SORCS1: variants seen among roughly 807,000 people sequenced by gnomAD.
The protein encoded by SORCS1 is VPS10 domain-containing receptor SorCS1.
A neutral mutation model predicts 146.1 loss-of-function variants in SORCS1; 60 were observed. The observed-to-expected ratio is 0.41, with a 90% CI of 0.33 to 0.51. The LOEUF (loss-of-function observed/expected upper bound fraction) is 0.51, where lower values mean the gene tolerates loss of function less well. Among genes scored for constraint, SORCS1 ranks in the 20% least tolerant of loss-of-function variants. SORCS1 has a pLI of 0.21. For synonymous variants in SORCS1, 637 were observed against 584.0 expected, an observed-to-expected ratio of 1.09 and a Z score of -1.31; for missense variants, 1,352 against 1,487.6, an observed-to-expected ratio of 0.91 and a Z score of 1.50.
At chr10:106,720,592 T>A (rs61868390) in intron 6 of SORCS1, among the ~76,000 whole-genome samples, 2 of 151,798 alleles carry the variant, frequency 1.3e-5, no homozygotes, top group African/African-American at 4.8e-5. Flanking sequence ...ACTTTTTTTT[T>A]AAGCCGGAGC....
chr10:106,859,193 T>C (rs577224989), intron 2 of SORCS1, among the ~76,000 whole-genome samples: 1 of 152,336 alleles, frequency 6.6e-6, no homozygotes, highest in South Asian at 2.1e-4. Flanking sequence ...CTCCTGACCA[T>C]GCCAATCAAC....
intron 2 of SORCS1, among the ~76,000 whole-genome samples, chr10:106,930,133 T>G (rs1339545340): frequency 6.6e-6 from 1 of 151,920 alleles, no homozygotes; most frequent in Non-Finnish European, 1.5e-5. Context: ...AGTACAAAAA[T>G]TAGCCGGGTG....
chr10:106,875,270 A>C (rs942946572), intron 2 of SORCS1, among the ~76,000 whole-genome samples: 16 of 152,134 alleles, frequency 1.1e-4, no homozygotes. Context: ...AGCTCTATTC[A>C]AGTTGCCACA....
At chr10:106,957,941 G>A (rs1430108690) in intron 1 of SORCS1, among the ~76,000 whole-genome samples, 1 of 152,192 alleles carries the variant, frequency 6.6e-6, no homozygotes, top group African/African-American at 2.4e-5. Flanking sequence ...CTATGAGTCC[G>A]TGATCCAGTT....
rs553214856 is a variant in SORCS1, at chr10:106,717,959, C to A, written c.1025-8618G>T. 9.2e-5 allele frequency among the ~76,000 whole-genome samples: 14 copies of A among 152,292 alleles called. No individual in the cohort carries two copies. The South Asian group carries it at 2.9e-3, about 32-fold the overall frequency. ...CACACAGAGCTGTGGACTTGTTATT[C>A]TTTCATGGCCTATTTAGTCCTCTTT... On this transcript the variant is annotated intron_variant, in intron 6 of 25. Coordinates refer to ENST00000263054, the MANE Select transcript of SORCS1 (RefSeq NM_052918.5).
chr10:106,967,184 A>G (rs966784885), intron 1 of SORCS1, among the ~76,000 whole-genome samples: 1 of 151,670 alleles, frequency 6.6e-6, no homozygotes, highest in South Asian at 2.1e-4. Context: ...GTCTGAGGAC[A>G]CTTGTCTTGT....
At chr10:107,040,966 T>C (rs533554352) in intron 1 of SORCS1, among the ~76,000 whole-genome samples, 2 of 152,304 alleles carry the variant, frequency 1.3e-5, no homozygotes, top group East Asian at 1.9e-4. Flanking sequence ...ACTTGTTTGC[T>C]ATAACAAAAA....
At chr10:106,741,405 C>A (rs1684511449) in intron 5 of SORCS1, among the ~76,000 whole-genome samples, 1 of 152,070 alleles carries the variant, frequency 6.6e-6, no homozygotes. Context: ...TGAAGACCAG[C>A]CTAGCCAACA....
intron 1 of SORCS1, among the ~76,000 whole-genome samples, chr10:106,985,761 T>C (rs1417963448): frequency 6.6e-6 from 1 of 152,050 alleles, no homozygotes; most frequent in Non-Finnish European, 1.5e-5. Flanking sequence ...GGTCTCCATC[T>C]CCTGACCTCA....
chr10:107,155,200 T>C (rs1028796064), intron 1 of SORCS1, among the ~76,000 whole-genome samples: 9 of 152,204 alleles, frequency 5.9e-5, no homozygotes, highest in Admixed American at 5.9e-4. Context: ...GGTCATGGTT[T>C]CTATTGAGAA....
chr10:107,017,332 C>T (rs1421864859), intron 1 of SORCS1, among the ~76,000 whole-genome samples: 1 of 152,188 alleles, frequency 6.6e-6, no homozygotes, highest in Admixed American at 6.5e-5. Context: ...GAGCAAACTA[C>T]CGCTACACGA....
At chr10:106,870,495 G>T (rs1198803936) in intron 2 of SORCS1, among the ~76,000 whole-genome samples, 1 of 152,082 alleles carries the variant, frequency 6.6e-6, no homozygotes, top group African/African-American at 2.4e-5. Flanking sequence ...CAGGCACATA[G>T]ACCAATGGAA....
intron 4 of SORCS1, among the ~76,000 whole-genome samples, 155 bp downstream of exon 4, chr10:106,776,379 A>G (rs1457185295): frequency 1.3e-5 from 2 of 152,044 alleles, no homozygotes; most frequent in Admixed American, 1.3e-4. Flanking sequence ...GCAACCTGAG[A>G]CTCTCCTTGC....
In SORCS1 at chr10:106,628,404, C is replaced by G. The variant is rs1348659509; in HGVS notation, c.2662+798G>C. ...CTTGGACTAAAACTTGATATTTGAA[C>G]AAGACCATTCATATAAAGGAGCTGC... On this transcript the variant is annotated intron_variant, in intron 19 of 25. Coordinates refer to ENST00000263054, the MANE Select transcript of SORCS1 (RefSeq NM_052918.5). Among the ~76,000 whole-genome samples the G allele has an allele frequency of 2.6e-5, 4 of 152,172 alleles. No individual in the cohort carries two copies. In the South Asian group the frequency reaches 8.3e-4, roughly 32 times the overall value.
chr10:106,711,391 A>T (rs530588980), intron 6 of SORCS1, among the ~76,000 whole-genome samples: 12 of 152,328 alleles, frequency 7.9e-5, no homozygotes, highest in African/African-American at 2.6e-4. Context: ...GAGATAGATA[A>T]GCTAGATATA....
At chr10:106,685,393 A>C (rs1333014540) in intron 10 of SORCS1, among the ~76,000 whole-genome samples, 1 of 152,182 alleles carries the variant, frequency 6.6e-6, no homozygotes, top group East Asian at 1.9e-4. Flanking sequence ...ACACTTCAGC[A>C]GGCAAGATGG....
At chr10:106,692,576 T>C (rs1401596333) in intron 9 of SORCS1, among the ~76,000 whole-genome samples, 2 of 152,224 alleles carry the variant, frequency 1.3e-5, no homozygotes, top group Non-Finnish European at 2.9e-5. Context: ...TAGAAACCAC[T>C]GGATTTTACA....
chr10:106,966,859 C>G (rs1955518876), intron 1 of SORCS1, among the ~76,000 whole-genome samples: 1 of 152,022 alleles, frequency 6.6e-6, no homozygotes, highest in Non-Finnish European at 1.5e-5. Context: ...TCTCCCTTTG[C>G]TGAAAGCTAA....
the SORCS1 span, among the ~76,000 whole-genome samples, chr10:107,179,904 CTTTTTTTT>C: frequency 1.6e-4 from 8 of 51,282 alleles, no homozygotes; most frequent in African/African-American, 4.2e-4. Flanking sequence ...ACAAAACAGA[CTTTTTTTT>C]TTTTTTTTTT....
Sources: allele counts gnomAD v4.1 joint callset (sites outside exome capture counted in the v4.1 genomes callset), GRCh38; gene constraint gnomAD v4.1.1; transcripts MANE v1.5; gene names NCBI Gene and HGNC (gene_info 2026-07-23, HGNC 2026-07-21).